The following RANBP2 variants were observed in gnomAD, a reference collection of about 807,000 sequenced individuals.
The protein encoded by RANBP2 is E3 SUMO-protein ligase RanBP2.
In RANBP2, 57 loss-of-function variants were observed where a neutral mutation model predicts 303.6. The observed-to-expected ratio is 0.19, with a 90% CI of 0.15 to 0.23. The LOEUF (loss-of-function observed/expected upper bound fraction) is 0.23, where lower values mean the gene tolerates loss of function less well. Among genes scored for constraint, RANBP2 ranks in the 10% least tolerant of loss-of-function variants. RANBP2 has a pLI of 1.00. For synonymous variants in RANBP2, 1,167 were observed against 1,301.5 expected (o/e 0.90, Z 2.23); for missense variants, 3,138 against 3,780.8 (o/e 0.83, Z 4.46).
the RANBP2 span, among the ~76,000 whole-genome samples, chr2:109,121,074 G>A: frequency 6.6e-6 from 1 of 152,036 alleles, no homozygotes; most frequent in African/African-American, 2.4e-5. Flanking sequence ...GTGAAACCCC[G>A]TCTCTACTAA....
chr2:108,986,330 G>A, the RANBP2 span, among the ~76,000 whole-genome samples: 1 of 152,198 alleles, frequency 6.6e-6, no homozygotes, highest in Non-Finnish European at 1.5e-5. Context: ...TCTGAGGACA[G>A]GAGATGAGTG....
the RANBP2 span, among the ~76,000 whole-genome samples, chr2:108,898,685 C>G: frequency 4.9e-4 from 75 of 152,066 alleles, 1 homozygote; most frequent in African/African-American, 1.7e-3. Flanking sequence ...CTTCAACAAG[C>G]AATTATGAAC....
At chr2:109,390,258 TC>T in the RANBP2 span, among the ~76,000 whole-genome samples, 1 of 152,194 alleles carries the variant, frequency 6.6e-6, no homozygotes, top group African/African-American at 2.4e-5. Context: ...CCAGTTTATC[TC>T]CTTTTAGGTT....
chr2:109,741,349 G>A, the RANBP2 span, among the ~76,000 whole-genome samples: 2 of 152,186 alleles, frequency 1.3e-5, no homozygotes, highest in Admixed American at 1.3e-4. Context: ...ACAAAATTCA[G>A]TACCCATTTA....
the RANBP2 span, chr2:109,585,829 TTTCTC>T: frequency 2.5e-6 from 4 of 1,612,456 alleles, no homozygotes; most frequent in Admixed American, 1.7e-5. Context: ...GAACGAATGT[TTTCTC>T]TTTTCTGAAG....
chr2:108,821,632 A>G, the RANBP2 span, among the ~76,000 whole-genome samples: 1 of 152,164 alleles, frequency 6.6e-6, no homozygotes, highest in Non-Finnish European at 1.5e-5. Context: ...ACAGAAAAAA[A>G]TTAACAAAAT....
chr2:109,146,224 T>A, the RANBP2 span, among the ~76,000 whole-genome samples: 1,187 of 152,224 alleles, frequency 7.8e-3, 12 homozygotes, highest in East Asian at 0.034. Context: ...CACTTGTTGG[T>A]CACTTAGTTC....
At chr2:109,354,490 C>A in the RANBP2 span, among the ~76,000 whole-genome samples, 6 of 152,238 alleles carry the variant, frequency 3.9e-5, no homozygotes, top group African/African-American at 1.2e-4. Context: ...TGTGATTCTT[C>A]CACACAGTTG....
the RANBP2 span, among the ~76,000 whole-genome samples, chr2:109,045,992 G>C: frequency 6.6e-6 from 1 of 152,064 alleles, no homozygotes; most frequent in Non-Finnish European, 1.5e-5. Context: ...TTAAATGTGT[G>C]TATATTAATT....
the RANBP2 span, among the ~76,000 whole-genome samples, chr2:109,161,727 C>A: frequency 6.6e-6 from 1 of 151,828 alleles, no homozygotes; most frequent in Non-Finnish European, 1.5e-5. Context: ...ACATGCCAGG[C>A]TTTTTGTAAC....
chr2:109,047,013 T>C, the RANBP2 span, among the ~76,000 whole-genome samples: 1 of 152,010 alleles, frequency 6.6e-6, no homozygotes, highest in South Asian at 2.1e-4. Flanking sequence ...TGCCCTGCCC[T>C]GCAGTGCCAG....
chr2:108,864,656 T>TCGCC, the RANBP2 span, among the ~76,000 whole-genome samples: 1 of 152,082 alleles, frequency 6.6e-6, no homozygotes, highest in Non-Finnish European at 1.5e-5. Context: ...AAGCCAGGCG[T>TCGCC]GGTGGCCCAC....
chr2:109,406,037 G>T, the RANBP2 span, among the ~76,000 whole-genome samples: 1 of 152,242 alleles, frequency 6.6e-6, no homozygotes, highest in African/African-American at 2.4e-5. Flanking sequence ...GGACACAGCT[G>T]CGGGGCTCTG....
At chr2:108,807,291 T>G in the RANBP2 span, among the ~76,000 whole-genome samples, 1 of 152,156 alleles carries the variant, frequency 6.6e-6, no homozygotes, top group Non-Finnish European at 1.5e-5. Context: ...GCCTATATAA[T>G]AAGTCTATGG....
At chr2:108,731,020 C>G in intron 3 of RANBP2, 135 bp downstream of exon 3, 2 of 1,145,956 alleles carry the variant, frequency 1.7e-6, no homozygotes, top group Non-Finnish European at 2.5e-6. Context: ...TTACGTGACA[C>G]AGCTTGGAAC....
the RANBP2 span, among the ~76,000 whole-genome samples, chr2:109,704,182 T>C: frequency 1.3e-5 from 2 of 152,192 alleles, no homozygotes; most frequent in African/African-American, 4.8e-5. Flanking sequence ...TGAACAGAGC[T>C]GCTCAGCAGC....
At chr2:109,617,662 A>G in the RANBP2 span, 2 of 167,124 alleles carry the variant, frequency 1.2e-5, 1 homozygote, top group South Asian at 4.1e-4. Flanking sequence ...TTCATAGAAA[A>G]TGCATAGAAA....
the RANBP2 span, among the ~76,000 whole-genome samples, chr2:109,080,862 C>T: frequency 1.8e-4 from 28 of 152,316 alleles, no homozygotes; most frequent in African/African-American, 6.5e-4. Flanking sequence ...AACAGACAGT[C>T]TGGATGATTT....
chr2:109,337,428 C>T, the RANBP2 span, among the ~76,000 whole-genome samples: 1 of 152,238 alleles, frequency 6.6e-6, no homozygotes, highest in Non-Finnish European at 1.5e-5. Context: ...GCGCCTTGCA[C>T]TGTGGCCACC....
Sources: allele counts gnomAD v4.1 joint callset (sites outside exome capture counted in the v4.1 genomes callset), GRCh38; gene constraint gnomAD v4.1.1; transcripts MANE v1.5; gene names NCBI Gene and HGNC (gene_info 2026-07-23, HGNC 2026-07-21).